QKI: variants seen among roughly 807,000 people sequenced by gnomAD.
QKI encodes the protein QKI, KH domain containing RNA binding.
In QKI, 10 loss-of-function variants were observed where a neutral mutation model predicts 39.0. The observed-to-expected ratio is 0.26, with a 90% CI of 0.16 to 0.43. The LOEUF is 0.43. Among genes scored for constraint, QKI ranks in the 20% least tolerant of loss-of-function variants. The pLI is 1.00. For synonymous variants in QKI, 204 were observed against 155.4 expected, an observed-to-expected ratio of 1.31 and a Z score of -2.33; for missense variants, 218 against 428.0, an observed-to-expected ratio of 0.51 and a Z score of 4.33.
chr6:163,471,183 T>G (rs1033092824), intron 2 of QKI, among the ~76,000 whole-genome samples: 1 of 152,122 alleles, frequency 6.6e-6, no homozygotes, highest in African/African-American at 2.4e-5. Context: ...GCGGGAAGAC[T>G]TAGTTCACTT....
intron 3 of QKI, among the ~76,000 whole-genome samples, chr6:163,500,169 C>A (rs1778670883): frequency 6.6e-6 from 1 of 152,134 alleles, no homozygotes; most frequent in African/African-American, 2.4e-5. Flanking sequence ...TCATATGCTT[C>A]TCTATAGGCT....
intron 2 of QKI, among the ~76,000 whole-genome samples, chr6:163,462,012 C>T (rs998373290): frequency 2.0e-5 from 3 of 152,122 alleles, no homozygotes; most frequent in Non-Finnish European, 4.4e-5. Context: ...TTTGAGATCA[C>T]GTGCCTTTAC....
At chr6:163,562,102 C>G (rs559055789) in intron 5 of QKI, 33 bp downstream of exon 5, 1 of 1,532,500 alleles carries the variant, frequency 6.5e-7, no homozygotes, top group Non-Finnish European at 8.9e-7. Flanking sequence ...AGGGTTACTG[C>G]TGTCTGCGTT....
At chr6:163,549,606 G>A (rs1310537589) in intron 4 of QKI, among the ~76,000 whole-genome samples, 7 of 152,140 alleles carry the variant, frequency 4.6e-5, no homozygotes, top group African/African-American at 7.2e-5. Flanking sequence ...CAGCTACTCC[G>A]AAAGCTGAGG....
chr6:163,510,354 T>G (rs917262160), intron 3 of QKI, among the ~76,000 whole-genome samples: 2 of 150,550 alleles, frequency 1.3e-5, no homozygotes, highest in African/African-American at 4.9e-5. Flanking sequence ...AGGTCAGGAG[T>G]TTGAGACCAG....
intron 7 of QKI, chr6:163,570,037 C>T (rs1783611581): frequency 1.0e-6 from 1 of 986,364 alleles, no homozygotes; most frequent in Non-Finnish European, 1.2e-6. Context: ...GTTGCCTACA[C>T]TGCTAGACTA....
chr6:163,496,598 CAGTT>C (rs1489175014), intron 3 of QKI, among the ~76,000 whole-genome samples: 1 of 152,084 alleles, frequency 6.6e-6, no homozygotes, highest in African/African-American at 2.4e-5. Context: ...TTAATGTATT[CAGTT>C]AGAGTCAGGT....
At chr6:163,477,104 C>G (rs1264992681) in intron 2 of QKI, among the ~76,000 whole-genome samples, 1 of 151,814 alleles carries the variant, frequency 6.6e-6, no homozygotes, top group Non-Finnish European at 1.5e-5. Flanking sequence ...CAACCTCCAC[C>G]TCCTGGGTTC....
intron 3 of QKI, among the ~76,000 whole-genome samples, chr6:163,511,637 A>G (rs1253198657): frequency 6.6e-6 from 1 of 152,052 alleles, no homozygotes; most frequent in African/African-American, 2.4e-5. Context: ...ACAAATTATT[A>G]CCCAGGAGCA....
At chr6:163,496,220 G>A (rs1778396876) in intron 3 of QKI, among the ~76,000 whole-genome samples, 1 of 152,104 alleles carries the variant, frequency 6.6e-6, no homozygotes, top group African/African-American at 2.4e-5. Context: ...TGGTTAGATG[G>A]TGATAGTAGT....
At chr6:163,513,340 T>C (rs909957149) in intron 3 of QKI, among the ~76,000 whole-genome samples, 2 of 152,188 alleles carry the variant, frequency 1.3e-5, no homozygotes, top group African/African-American at 4.8e-5. Flanking sequence ...TAAACTTGAT[T>C]GTAATTATTT....
At chr6:163,546,023 TTA>T (rs1034029798) in intron 4 of QKI, among the ~76,000 whole-genome samples, 11 of 147,908 alleles carry the variant, frequency 7.4e-5, no homozygotes, top group Non-Finnish European at 1.3e-4. Flanking sequence ...AAATATATAA[TTA>T]TATATTTTAT....
chr6:163,524,427 T>C (rs1780346690), intron 3 of QKI, among the ~76,000 whole-genome samples: 1 of 152,174 alleles, frequency 6.6e-6, no homozygotes. Flanking sequence ...TTTTATTTGT[T>C]GTTCAGTCAT....
At chr6:163,427,510 T>A (rs1405554652) in intron 1 of QKI, among the ~76,000 whole-genome samples, 2 of 152,170 alleles carry the variant, frequency 1.3e-5, no homozygotes, top group African/African-American at 4.8e-5. Context: ...CTGTGTATAC[T>A]AAGTTTTAAT....
At chr6:163,427,435 A>T (rs73015316) in intron 1 of QKI, among the ~76,000 whole-genome samples, 9,746 of 152,096 alleles carry the variant, frequency 0.064, 353 homozygotes, top group Middle Eastern at 0.11. Context: ...CCAATAATAT[A>T]GCCAGTGACC....
intron 3 of QKI, among the ~76,000 whole-genome samples, chr6:163,495,342 A>G (rs1235722232): frequency 6.6e-6 from 1 of 152,158 alleles, no homozygotes; most frequent in Non-Finnish European, 1.5e-5. Flanking sequence ...TGGCTAATTC[A>G]GTGTTCCTGG....
intron 4 of QKI, among the ~76,000 whole-genome samples, chr6:163,539,113 G>A (rs969945870): frequency 6.6e-6 from 1 of 152,114 alleles, no homozygotes; most frequent in African/African-American, 2.4e-5. Context: ...AAAAATTGAG[G>A]ACTAAACCTG....
At chr6:163,534,180 C>T (rs1781049875) in intron 3 of QKI, among the ~76,000 whole-genome samples, 1 of 152,176 alleles carries the variant, frequency 6.6e-6, no homozygotes, top group South Asian at 2.1e-4. Context: ...CTCCCTGTAG[C>T]TTAACCAGGT....
At chr6:163,475,791 GA>G (rs1792544445) in intron 2 of QKI, among the ~76,000 whole-genome samples, 1 of 152,206 alleles carries the variant, frequency 6.6e-6, no homozygotes, top group African/African-American at 2.4e-5. Flanking sequence ...GATAACACCA[GA>G]AGGTATCTTG....
Sources: gnomAD v4.1 joint callset for allele counts (sites outside exome capture counted in the v4.1 genomes callset) on GRCh38, gnomAD v4.1.1 for gene constraint, MANE v1.5 for transcripts, NCBI Gene and HGNC (gene_info 2026-07-23, HGNC 2026-07-21) for gene names.